PIWIL1: variants seen among roughly 807,000 people sequenced by gnomAD.
PIWIL1 encodes piwi like RNA-mediated gene silencing 1, also known as piwi-like protein 1.
PIWIL1 carries 73 observed loss-of-function variants against 114.4 expected under a neutral mutation model. That is an observed-to-expected ratio of 0.64 (90% CI 0.53 to 0.78). The LOEUF is 0.78. Among genes scored for constraint, PIWIL1 ranks in the 30% least tolerant of loss-of-function variants. The probability of loss-of-function intolerance (pLI) is 0.00; values close to 1 mark genes in which losing one functional copy is unlikely to be tolerated. For synonymous variants in PIWIL1, 375 were observed against 369.0 expected (o/e 1.02, Z -0.19); for missense variants, 723 against 1,063.1 (o/e 0.68, Z 4.45).
intron 9 of PIWIL1, 51 bp from the exon 10 acceptor site, chr12:130,354,486 T>C (rs1422649509): frequency 3.7e-6 from 6 of 1,610,790 alleles, no homozygotes; most frequent in African/African-American, 1.3e-5. Context: ...CCCACTGAGA[T>C]GCTACTCGAG....
intron 19 of PIWIL1, among the ~76,000 whole-genome samples, chr12:130,367,785 C>T (rs1055431590): frequency 3.3e-5 from 5 of 152,130 alleles, no homozygotes; most frequent in East Asian, 1.9e-4. Context: ...GGGAGGATTC[C>T]GTGAGAAAGT....
At chr12:130,361,131 T>C (rs373387839) in intron 14 of PIWIL1, 49 bp from the exon 15 acceptor site, 181 of 1,565,524 alleles carry the variant, frequency 1.2e-4, no homozygotes, top group Non-Finnish European at 1.1e-4. Flanking sequence ...TCCCTTGCTC[T>C]TAATCATCTG....
chr12:130,406,897 TC>T, the PIWIL1 span, among the ~76,000 whole-genome samples: 58,668 of 152,074 alleles, frequency 0.39, 12,293 homozygotes, highest in East Asian at 0.52. Flanking sequence ...TCTGCCCACC[TC>T]CCAAAGTGCT....
downstream of PIWIL1, among the ~76,000 whole-genome samples, chr12:130,373,006 AC>A (rs1434298122): frequency 4.6e-5 from 7 of 152,360 alleles, no homozygotes; most frequent in South Asian, 8.3e-4. Flanking sequence ...TTTGTGGCAC[AC>A]GGTCTCATTC....
intron 18 of PIWIL1, 139 bp from the exon 19 acceptor site, chr12:130,366,994 C>G: frequency 1.0e-6 from 1 of 963,396 alleles, no homozygotes; most frequent in Non-Finnish European, 1.6e-6. Flanking sequence ...AGATCCTGAT[C>G]CTTCTCCACA....
At chr12:130,425,653 C>T in the PIWIL1 span, 1 of 152,634 alleles carries the variant, frequency 6.6e-6, no homozygotes. Flanking sequence ...CGTCTGCACG[C>T]CATCACTCTC....
In PIWIL1 at chr12:130,364,072, C is replaced by T. The variant is rs975496913; in HGVS notation, c.2195+928C>T. 1.2e-3 allele frequency among the ~76,000 whole-genome samples: 186 copies of T among 152,292 alleles called. 2 individuals carry two copies. Among genetic ancestry groups the T allele is most frequent in the African/African-American group, 4.1e-3 (172 of 41,564 alleles). ...TATGAGTCAATAAAATGTGTACCAT[C>T]GCAAGAGAGCCATTCTAATCAGTTA... On this transcript the variant is annotated intron_variant, in intron 18 of 20. Transcript: ENST00000245255.
chr12:130,395,775 T>TTGTA, the PIWIL1 span, among the ~76,000 whole-genome samples: 1 of 152,166 alleles, frequency 6.6e-6, no homozygotes, highest in Admixed American at 6.5e-5. Context: ...TTTAGGAAAA[T>TTGTA]TGTATGTATT....
the PIWIL1 span, chr12:130,424,952 T>A: frequency 4.6e-6 from 3 of 650,736 alleles, no homozygotes; most frequent in Non-Finnish European, 6.3e-6. The surrounding 1 kb of genome is among the most constrained non-coding windows in gnomAD (Gnocchi z 9.8). Context: ...CAGACAGAAT[T>A]AGTCCTGGAG....
the PIWIL1 span, among the ~76,000 whole-genome samples, chr12:130,415,328 A>C: frequency 6.6e-6 from 1 of 152,236 alleles, no homozygotes; most frequent in South Asian, 2.1e-4. Context: ...GTGCAGAAAA[A>C]GCTTGCAATA....
the PIWIL1 span, among the ~76,000 whole-genome samples, chr12:130,410,095 T>C: frequency 1.8e-4 from 27 of 152,376 alleles, no homozygotes; most frequent in East Asian, 2.5e-3. Flanking sequence ...TCAGTGTGTG[T>C]GCATTGGTTT....
Position 130,367,185 on chromosome 12 carries a change from G to A in PIWIL1, c.2248G>A (p.Ala750Thr), listed in dbSNP as rs772721213. The A allele has an allele frequency of 6.2e-7, 1 of 1,613,950 alleles. No individual in the cohort carries two copies. The highest frequency in any genetic ancestry group is 8.5e-7 in the Non-Finnish European group (1 of 1,179,864). Residue 750 changes from alanine (A) to threonine (T), a missense_variant, in exon 19 of 21, where the codon GCT becomes ACT. Coordinates refer to ENST00000245255, the MANE Select transcript of PIWIL1 (RefSeq NM_004764.5). ...VKKRVNTRFF[A>T]QSGGRLQNPL... ...GAAAAGAGTGAACACCAGATTTTTT[G>A]CTCAGTCTGGAGGAAGACTTCAGAA...
Position 130,347,140 on chromosome 12 carries a change from TCTC to T in PIWIL1, c.653+81_653+83del, listed in dbSNP as rs548736694. 1.9e-4 allele frequency: 207 copies of T among 1,069,436 alleles called. No individual in the cohort carries two copies. The South Asian group carries it at 2.6e-3, about 13-fold the overall frequency. 66.2% of individuals were successfully genotyped at this position (1,069,436 alleles called of 1,614,324 possible). A position where few individuals can be genotyped will look rare whatever the true frequency, so the allele number is the denominator to read the frequency against. Reference sequence around the variant, plus strand: ...TGTACATTGAACATCTGCATTCAGTTCTCCTAGATTTTCAGCATTGGTTGGGAT... The same window carrying T: ...TGTACATTGAACATCTGCATTCAGTTCTAGATTTTCAGCATTGGTTGGGAT... On this transcript the variant is annotated intron_variant, in intron 6 of 20. Coordinates refer to ENST00000245255, the MANE Select transcript of PIWIL1 (RefSeq NM_004764.5).
chr12:130,342,705 C>CT, intron 2 of PIWIL1, 36 bp downstream of exon 2: 2 of 1,484,812 alleles, frequency 1.3e-6, no homozygotes, highest in South Asian at 1.1e-5. Flanking sequence ...CAGAAAATGT[C>CT]TTTGACTCTT....
the PIWIL1 span, among the ~76,000 whole-genome samples, chr12:130,417,678 C>A: frequency 1.3e-5 from 2 of 152,224 alleles, no homozygotes; most frequent in South Asian, 4.1e-4. Flanking sequence ...CAGCATTCTG[C>A]ACTATACCCA....
At chr12:130,382,233 A>G in the PIWIL1 span, among the ~76,000 whole-genome samples, 1 of 152,204 alleles carries the variant, frequency 6.6e-6, no homozygotes, top group East Asian at 1.9e-4. Flanking sequence ...ATCTGGATCA[A>G]CCTATATCTT....
At chr12:130,339,228 C>T (rs1189299404) in intron 1 of PIWIL1, among the ~76,000 whole-genome samples, 1 of 152,100 alleles carries the variant, frequency 6.6e-6, no homozygotes, top group Non-Finnish European at 1.5e-5. Flanking sequence ...TGCTGGCGGC[C>T]CGGCCCTTGG....
chr12:130,341,901 C>T (rs1469523601), intron 1 of PIWIL1, among the ~76,000 whole-genome samples: 1 of 152,106 alleles, frequency 6.6e-6, no homozygotes, highest in Non-Finnish European at 1.5e-5. Context: ...AGAGAACGGT[C>T]CTGGCAGATG....
intron 1 of PIWIL1, among the ~76,000 whole-genome samples, chr12:130,339,960 C>T (rs922072973): frequency 6.6e-6 from 1 of 152,094 alleles, no homozygotes; most frequent in Non-Finnish European, 1.5e-5. Flanking sequence ...TGTTTCACAC[C>T]GTTGTTTGTA....
Sources: allele counts gnomAD v4.1 joint callset (sites outside exome capture counted in the v4.1 genomes callset), GRCh38; gene constraint gnomAD v4.1.1; non-coding constraint Gnocchi (gnomAD v3.1); transcripts MANE v1.5; gene names NCBI Gene and HGNC (gene_info 2026-07-23, HGNC 2026-07-21).